CSRNP3: variants seen among roughly 807,000 people sequenced by gnomAD.
CSRNP3 encodes the protein cysteine/serine-rich nuclear protein 3.
In CSRNP3, 12 loss-of-function variants were observed where a neutral mutation model predicts 48.0. That is an observed-to-expected ratio of 0.25 (90% CI 0.16 to 0.41). The LOEUF (loss-of-function observed/expected upper bound fraction) is 0.41, where lower values mean the gene tolerates loss of function less well. CSRNP3 is among the 10% of genes least tolerant of loss of function. The pLI, the probability that CSRNP3 is intolerant of heterozygous loss-of-function variation, is 1.00. For synonymous variants in CSRNP3, 263 were observed against 269.7 expected (o/e 0.98, Z 0.24); for missense variants, 580 against 724.4 (o/e 0.80, Z 2.29).
intron 4 of CSRNP3, among the ~76,000 whole-genome samples, chr2:165,646,555 T>A (rs1319345116): frequency 6.6e-6 from 1 of 152,194 alleles, no homozygotes; most frequent in Non-Finnish European, 1.5e-5. Flanking sequence ...AGCTGAAGAA[T>A]AGCAAATGTT....
rs1337857184 is a variant in CSRNP3, at chr2:165,684,864, T to A, written c.*5111T>A. On this transcript the variant is annotated 3_prime_UTR_variant, in exon 7 of 7. Transcript: ENST00000651982. ...TATGAAAAAAAAAGCTCAGCAGAGC[T>A]AAGCCAGATCTTATTACATCATAAA... The A allele has an allele frequency of 6.6e-6, 1 of 152,026 alleles. No individual in the cohort carries two copies. The allele number at this position is 152,026 out of a possible 1,614,324, so 9.4% of individuals were successfully genotyped here. A position where few individuals can be genotyped will look rare whatever the true frequency, so the allele number is the denominator to read the frequency against.
intron 4 of CSRNP3, among the ~76,000 whole-genome samples, chr2:165,603,954 C>G (rs1005998125): frequency 5.3e-5 from 8 of 152,202 alleles, no homozygotes; most frequent in Admixed American, 3.9e-4. Flanking sequence ...TGTCTTTACC[C>G]TAATAGGCAG....
chr2:165,549,158 C>T lies in CSRNP3; in HGVS notation c.-24+31197C>T, dbSNP rs576730964. 3.3e-5 allele frequency among the ~76,000 whole-genome samples: 5 copies of T among 151,860 alleles called. No individual in the cohort carries two copies. In the East Asian group the frequency reaches 9.7e-4, roughly 29 times the overall value. On this transcript the variant is annotated intron_variant, in intron 3 of 6. Transcript: ENST00000651982. ...AAAGCTGTAAAGGAATAATTTTGAG[C>T]TGGTGATTCATATTGTGAAGATGAT...
At chr2:165,543,161 A>G (rs1385226134) in intron 3 of CSRNP3, among the ~76,000 whole-genome samples, 1 of 152,182 alleles carries the variant, frequency 6.6e-6, no homozygotes, top group Non-Finnish European at 1.5e-5. Context: ...TTACTAGACC[A>G]GGTTGCCTCA....
intron 3 of CSRNP3, among the ~76,000 whole-genome samples, chr2:165,535,071 A>G (rs1684863836): frequency 6.6e-6 from 1 of 151,840 alleles, no homozygotes; most frequent in African/African-American, 2.4e-5. Context: ...GGTATGTAAT[A>G]TAGTCCAAAT....
At chr2:165,495,210 A>G (rs558913055) in intron 2 of CSRNP3, among the ~76,000 whole-genome samples, 1 of 152,204 alleles carries the variant, frequency 6.6e-6, no homozygotes, top group Admixed American at 6.6e-5. Context: ...GCTGAAATAA[A>G]TCTATCTTTT....
rs779602441 is a variant in CSRNP3 at position 165,679,698 on chromosome 2, G to A, written c.1703G>A (p.Ser568Asn). Residue 568 changes from serine to asparagine, a missense_variant, in exon 7 of 7, where the codon AGC becomes AAC. This residue lies in a region of CSRNP3 where 369 missense variants were observed against 380.8 expected (regional missense o/e 0.97). Transcript: ENST00000651982. ...AENSLSLAEK[S>N]ILHEECIKSP... ...AATTCTTTGAGCCTTGCAGAAAAGAGCATATTGCATGAAGAGTGCATCAAA... is the reference window on the plus strand; with the variant it reads ...AATTCTTTGAGCCTTGCAGAAAAGAACATATTGCATGAAGAGTGCATCAAA... The A allele has an allele frequency of 4.3e-6, 7 of 1,613,982 alleles. No homozygotes were observed. Among genetic ancestry groups the A allele is most frequent in the Non-Finnish European group, 4.2e-6 (5 of 1,179,986 alleles).
chr2:165,524,881 T>C (rs1684712704), intron 3 of CSRNP3, among the ~76,000 whole-genome samples: 1 of 152,232 alleles, frequency 6.6e-6, no homozygotes, highest in South Asian at 2.1e-4. Context: ...GGTTTGAATA[T>C]GCTATAAATA....
intron 4 of CSRNP3, among the ~76,000 whole-genome samples, chr2:165,636,248 T>C (rs1315423396): frequency 6.6e-6 from 1 of 152,136 alleles, no homozygotes; most frequent in East Asian, 1.9e-4. Context: ...ACTTAGAAAT[T>C]GCCTGGATTC....
At chr2:165,473,942 CTT>C (rs34098483) in intron 1 of CSRNP3, among the ~76,000 whole-genome samples, 13,556 of 152,138 alleles carry the variant, frequency 0.089, 893 homozygotes, top group Middle Eastern at 0.15. Context: ...AAGGAAATCA[CTT>C]TGATACGAGA....
chr2:165,630,227 A>G (rs1368111699), intron 4 of CSRNP3, among the ~76,000 whole-genome samples: 1 of 152,296 alleles, frequency 6.6e-6, no homozygotes, highest in Middle Eastern at 3.4e-3. Flanking sequence ...TTAGGAAACA[A>G]TGCATTAATC....
intron 3 of CSRNP3, among the ~76,000 whole-genome samples, chr2:165,520,779 TA>T (rs1684643636): frequency 3.2e-4 from 3 of 9,372 alleles, no homozygotes; most frequent in Non-Finnish European, 4.8e-4. Context: ...ATTATATATA[TA>T]TATTATATAT....
At chr2:165,532,988 G>A (rs960052187) in intron 3 of CSRNP3, among the ~76,000 whole-genome samples, 58 of 152,090 alleles carry the variant, frequency 3.8e-4, no homozygotes, top group African/African-American at 1.3e-3. Context: ...AAATACCTAG[G>A]AATCCAACTT....
At chr2:165,525,357 T>C (rs533523773) in intron 3 of CSRNP3, among the ~76,000 whole-genome samples, 189 of 152,302 alleles carry the variant, frequency 1.2e-3, no homozygotes, top group African/African-American at 4.3e-3. Context: ...TCTCTCTGTC[T>C]GTGGCATGCT....
At chr2:165,601,786 C>T (rs2105301975) in intron 4 of CSRNP3, among the ~76,000 whole-genome samples, 1 of 152,226 alleles carries the variant, frequency 6.6e-6, no homozygotes, top group East Asian at 1.9e-4. Flanking sequence ...CTACTACTGG[C>T]TCCACATTTC....
chr2:165,646,383 A>G (rs1686812515), intron 4 of CSRNP3, among the ~76,000 whole-genome samples: 1 of 152,054 alleles, frequency 6.6e-6, no homozygotes, highest in South Asian at 2.1e-4. Flanking sequence ...TCTGACCTGG[A>G]TTATCATGAT....
intron 2 of CSRNP3, among the ~76,000 whole-genome samples, chr2:165,511,681 G>A (rs1165306000): frequency 6.6e-6 from 1 of 152,180 alleles, no homozygotes; most frequent in Non-Finnish European, 1.5e-5. Flanking sequence ...GGGAAGGAAT[G>A]TGGGATGGTT....
At chr2:165,493,125 AT>A (rs1329982646) in intron 1 of CSRNP3, among the ~76,000 whole-genome samples, 1 of 151,966 alleles carries the variant, frequency 6.6e-6, no homozygotes, top group Non-Finnish European at 1.5e-5. Context: ...GCCCCAAGGA[AT>A]TTTAGCATCA....
At chr2:165,582,514 G>C (rs1234558842) in intron 3 of CSRNP3, among the ~76,000 whole-genome samples, 1 of 152,226 alleles carries the variant, frequency 6.6e-6, no homozygotes, top group Non-Finnish European at 1.5e-5. Flanking sequence ...AGCAAATGCA[G>C]TAGGTCCTTT....
Sources: gnomAD v4.1 joint callset for allele counts (sites outside exome capture counted in the v4.1 genomes callset) on GRCh38, gnomAD v4.1.1 for gene constraint, gnomAD v4.1.1 regional missense constraint, MANE v1.5 for transcripts, NCBI Gene and HGNC (gene_info 2026-07-23, HGNC 2026-07-21) for gene names.